TNFAIP8: variants seen among roughly 807,000 people sequenced by gnomAD.
The protein encoded by TNFAIP8 is TNF alpha induced protein 8, also known as tumor necrosis factor alpha-induced protein 8.
Under a neutral mutation model 13.3 loss-of-function variants are expected in TNFAIP8, and 7 were observed. The ratio of observed to expected loss-of-function variants is 0.52; its 90% CI spans 0.30 to 0.99. TNFAIP8 has a LOEUF of 0.99. Ranked by LOEUF, TNFAIP8 falls within the 50% of genes least tolerant of loss-of-function variation. The pLI is 0.07. For synonymous variants in TNFAIP8, 94 were observed against 87.6 expected, an observed-to-expected ratio of 1.07 and a Z score of -0.41; for missense variants, 258 against 236.9, an observed-to-expected ratio of 1.09 and a Z score of -0.58.
intron 1 of TNFAIP8, among the ~76,000 whole-genome samples, chr5:119,359,918 A>T (rs1326184546): frequency 1.3e-5 from 2 of 152,226 alleles, no homozygotes; most frequent in Non-Finnish European, 2.9e-5. Flanking sequence ...CCTTTTATGT[A>T]GTCATTAGGC....
chr5:119,341,544 C>T (rs772969496), intron 1 of TNFAIP8, among the ~76,000 whole-genome samples: 18 of 152,104 alleles, frequency 1.2e-4, no homozygotes, highest in African/African-American at 3.1e-4. Flanking sequence ...TCAGAGGTAC[C>T]GTATTTATGG....
At chr5:119,388,796 C>A (rs1017009919) in intron 1 of TNFAIP8, among the ~76,000 whole-genome samples, 2 of 130,530 alleles carry the variant, frequency 1.5e-5, no homozygotes, top group African/African-American at 6.3e-5. Context: ...ACATGCCCAG[C>A]TATTTTTTTT....
intron 1 of TNFAIP8, among the ~76,000 whole-genome samples, chr5:119,366,532 A>G (rs939109236): frequency 1.3e-5 from 2 of 152,228 alleles, no homozygotes; most frequent in African/African-American, 4.8e-5. Flanking sequence ...GATTTCCTCA[A>G]AAAAGCTTGA....
intron 1 of TNFAIP8, among the ~76,000 whole-genome samples, chr5:119,363,237 C>A (rs1033715356): frequency 1.3e-5 from 2 of 152,194 alleles, no homozygotes; most frequent in African/African-American, 4.8e-5. Flanking sequence ...CTTCGTCTTC[C>A]TTTTGGGCCT....
intron 1 of TNFAIP8, among the ~76,000 whole-genome samples, chr5:119,293,301 G>A (rs1261851661): frequency 6.6e-6 from 1 of 151,946 alleles, no homozygotes; most frequent in African/African-American, 2.4e-5. Flanking sequence ...AGATCCTTTT[G>A]AACTTGTTCC....
At chr5:119,334,483 C>A (rs1750485435) in intron 1 of TNFAIP8, among the ~76,000 whole-genome samples, 1 of 148,878 alleles carries the variant, frequency 6.7e-6, no homozygotes, top group Non-Finnish European at 1.5e-5. Flanking sequence ...TCTTTTGGTC[C>A]ATTATTGAAC....
At chr5:119,295,751 C>T (rs1285114412) in intron 1 of TNFAIP8, among the ~76,000 whole-genome samples, 2 of 152,194 alleles carry the variant, frequency 1.3e-5, no homozygotes, top group Admixed American at 1.3e-4. Context: ...GTTGATTCTT[C>T]CTACCCATGA....
chr5:119,390,991 T>A (rs1752870879), intron 1 of TNFAIP8, among the ~76,000 whole-genome samples: 2 of 151,016 alleles, frequency 1.3e-5, no homozygotes, highest in African/African-American at 4.9e-5. Context: ...GCTAATTTTT[T>A]TTTTTTTTTT....
intron 1 of TNFAIP8, among the ~76,000 whole-genome samples, chr5:119,359,317 A>G (rs1751549094): frequency 6.6e-6 from 1 of 152,026 alleles, no homozygotes; most frequent in South Asian, 2.1e-4. Flanking sequence ...TCAGCTCTTT[A>G]AAGAGGCTTT....
chr5:119,346,450 A>G (rs183286848), intron 1 of TNFAIP8, among the ~76,000 whole-genome samples: 3 of 152,238 alleles, frequency 2.0e-5, no homozygotes, highest in Non-Finnish European at 4.4e-5. Flanking sequence ...ACCAGCTAAC[A>G]AAAGAAAAAA....
intron 1 of TNFAIP8, 46 bp from the exon 2 acceptor site, chr5:119,392,770 A>G (rs1199214955): frequency 6.8e-7 from 1 of 1,481,258 alleles, no homozygotes; most frequent in African/African-American, 1.4e-5. Context: ...TCACTTGCTG[A>G]TATTTACTAA....
rs1753134204 is a variant in TNFAIP8, at chr5:119,398,915, GC to G, written c.*5535del. 6.6e-6 allele frequency: 1 copy of G among 152,174 alleles called. No individual in the cohort carries two copies. The highest frequency in any genetic ancestry group is 1.5e-5 in the Non-Finnish European group (1 of 68,026). 9.4% of individuals were successfully genotyped at this position (152,174 alleles called of 1,614,324 possible). The stretch of plus-strand genomic sequence containing the variant: ...ACTTAGCCATTTAAATGATTTGTCA[GC>G]ATCTTTTGCTGCTCTCTTCTAAGAC... On this transcript the variant is annotated 3_prime_UTR_variant, in exon 2 of 2. Transcript: ENST00000504771.
At chr5:119,359,041 A>T (rs967726873) in intron 1 of TNFAIP8, among the ~76,000 whole-genome samples, 7 of 152,100 alleles carry the variant, frequency 4.6e-5, no homozygotes, top group Admixed American at 1.3e-4. Context: ...TAGCCATTAG[A>T]TAACTCCCTC....
chr5:119,281,972 A>G (rs1748643718), intron 1 of TNFAIP8, among the ~76,000 whole-genome samples: 1 of 152,214 alleles, frequency 6.6e-6, no homozygotes, highest in Middle Eastern at 3.4e-3. Context: ...ATGTCACTCC[A>G]TTTTCTTCTG....
chr5:119,390,579 A>G (rs912389432), intron 1 of TNFAIP8, among the ~76,000 whole-genome samples: 1 of 152,132 alleles, frequency 6.6e-6, no homozygotes, highest in African/African-American at 2.4e-5. Flanking sequence ...CTCTTTTTCA[A>G]AATATATTTT....
At chr5:119,295,923 T>C (rs1454955263) in intron 1 of TNFAIP8, among the ~76,000 whole-genome samples, 7 of 151,556 alleles carry the variant, frequency 4.6e-5, no homozygotes, top group African/African-American at 1.5e-4. Flanking sequence ...ATGATTTGGC[T>C]CTCTGTCTGT....
In TNFAIP8 at chr5:119,279,219, AC is replaced by A. The variant is rs566820490; in HGVS notation, c.1+10313del. Among the ~76,000 whole-genome samples, 8 of 152,334 alleles carry A rather than the reference AC, an allele frequency of 5.3e-5. No homozygotes were observed. In the South Asian group the frequency reaches 1.7e-3, roughly 32 times the overall value. ...AGTAACATGCTGTGAATGCCTGGCC[AC>A]GCTGGGATTTACACTCTGGTGGCTC... On this transcript the variant is annotated intron_variant, in intron 1 of 1. Transcript: ENST00000274456.
chr5:119,269,667 C>T (rs933310265), intron 1 of TNFAIP8, among the ~76,000 whole-genome samples: 1 of 152,154 alleles, frequency 6.6e-6, no homozygotes, highest in Non-Finnish European at 1.5e-5. Context: ...CACAGAAGCT[C>T]TAAGTAGAAA....
At chr5:119,333,344 G>A (rs937258380) in intron 1 of TNFAIP8, 5 of 1,279,460 alleles carry the variant, frequency 3.9e-6, no homozygotes, top group Non-Finnish European at 4.0e-6. Flanking sequence ...TACAAGTGAC[G>A]AAACCTAGCT....
Sources: gnomAD v4.1 joint callset for allele counts (sites outside exome capture counted in the v4.1 genomes callset) on GRCh38, gnomAD v4.1.1 for gene constraint, MANE v1.5 for transcripts, NCBI Gene and HGNC (gene_info 2026-07-23, HGNC 2026-07-21) for gene names.